The following CPO variants were observed in gnomAD, a reference collection of about 807,000 sequenced individuals.
CPO encodes carboxypeptidase O.
A neutral mutation model predicts 41.2 loss-of-function variants in CPO; 43 were observed. The observed-to-expected ratio is 1.04, with a 90% CI of 0.82 to 1.35. The LOEUF is 1.35. Among genes scored for constraint, CPO ranks in the 40% most tolerant of loss-of-function variants. The probability of loss-of-function intolerance (pLI) is 0.00; values close to 1 mark genes in which losing one functional copy is unlikely to be tolerated. For missense variants in CPO, 408 were observed against 451.7 expected, an observed-to-expected ratio of 0.90 and a Z score of 0.88; for synonymous variants, 178 against 162.7, an observed-to-expected ratio of 1.09 and a Z score of -0.72.
intron 7 of CPO, among the ~76,000 whole-genome samples, chr2:206,967,229 G>A (rs1170380849): frequency 6.6e-6 from 1 of 152,000 alleles, no homozygotes; most frequent in Non-Finnish European, 1.5e-5. Context: ...AGCCCAGCCA[G>A]TAGACTTGGG....
At chr2:206,960,683 G>A (rs1468896526) in intron 5 of CPO, among the ~76,000 whole-genome samples, 169 bp from the exon 6 acceptor site, 2 of 152,208 alleles carry the variant, frequency 1.3e-5, no homozygotes, top group Non-Finnish European at 2.9e-5. Flanking sequence ...GGGGCTGCTA[G>A]CCCATCTGTA....
Position 206,958,388 on chromosome 2 carries a change from C to T in CPO, c.355C>T (p.Gln119Ter). The stretch of plus-strand genomic sequence containing the variant: ...AGAATGGATTGCTCCTGCTTTTTGC[C>T]AATGGTTCGTCAAAGAAGTAAGTGT... ...AREWIAPAFCQWFVKEILQNH... is the reference protein window; with the variant it reads ...AREWIAPAFC The change falls in exon 4 of 9, where the codon CAA (glutamine) becomes TAA (stop). Residue 119 changes from glutamine to a stop codon, truncating the protein, a stop_gained. Coordinates refer to ENST00000272852, the MANE Select transcript of CPO (RefSeq NM_173077.3). LOFTEE classifies it high-confidence loss of function. The T allele has an allele frequency of 6.3e-7, 1 of 1,592,120 alleles. No individual in the cohort carries two copies.
chr2:206,940,877 A>T (rs940448807), intron 1 of CPO, among the ~76,000 whole-genome samples: 1 of 152,134 alleles, frequency 6.6e-6, no homozygotes, highest in Non-Finnish European at 1.5e-5. Context: ...GTTCAATTTC[A>T]GATACTTACA....
At position 206,964,850 on chromosome 2, in the gene CPO, C is replaced by A. The variant is rs1693544120; in HGVS notation, c.777+2236C>A. Among the ~76,000 whole-genome samples, 9 of 152,234 alleles carry A rather than the reference C, an allele frequency of 5.9e-5. No individual in the cohort carries two copies. In the South Asian group the frequency reaches 1.9e-3, roughly 32 times the overall value. On this transcript the variant is annotated intron_variant, in intron 7 of 8. Coordinates refer to ENST00000272852, the MANE Select transcript of CPO (RefSeq NM_173077.3). ...ATCTTTGATGGAAAGGGGTCTTCCG[C>A]CAGCAGAAAAAGGAGGCTAGTATAT...
intron 1 of CPO, among the ~76,000 whole-genome samples, chr2:206,943,108 C>G (rs1407794620): frequency 6.6e-6 from 1 of 152,090 alleles, no homozygotes; most frequent in Non-Finnish European, 1.5e-5. Context: ...CAGGGAATCC[C>G]AGCCCAATTG....
intron 7 of CPO, among the ~76,000 whole-genome samples, chr2:206,964,726 T>C (rs1259397209): frequency 6.6e-6 from 1 of 152,238 alleles, no homozygotes; most frequent in Non-Finnish European, 1.5e-5. Flanking sequence ...AGAATGCTCC[T>C]TTTTCCCAGT....
At position 206,962,796 on chromosome 2, in the gene CPO, G is replaced by A. The variant is rs528303290; in HGVS notation, c.777+182G>A. Reference sequence around the variant, plus strand: ...CTGCTGGGAAGGCTTCGGGTTAAATGCTGCTTTACCTACATTAATTAACTA... The same window carrying A: ...CTGCTGGGAAGGCTTCGGGTTAAATACTGCTTTACCTACATTAATTAACTA... On this transcript the variant is annotated intron_variant, in intron 7 of 8. Transcript: ENST00000272852. Among the ~76,000 whole-genome samples the A allele has an allele frequency of 3.3e-5, 5 of 152,278 alleles. No individual in the cohort carries two copies. In the East Asian group the frequency reaches 9.7e-4, roughly 29 times the overall value.
At chr2:206,946,135 T>C (rs1693141320) in intron 1 of CPO, among the ~76,000 whole-genome samples, 1 of 152,052 alleles carries the variant, frequency 6.6e-6, no homozygotes, top group Non-Finnish European at 1.5e-5. Flanking sequence ...ACTCATTTTA[T>C]GAGATCAGTA....
chr2:206,969,176 G>T lies in CPO; in HGVS notation c.865G>T (p.Ala289Ser), dbSNP rs1033107037. The T allele has an allele frequency of 1.9e-6, 3 of 1,614,020 alleles. No individual in the cohort carries two copies. The highest frequency in any genetic ancestry group is 1.7e-5 in the Admixed American group (1 of 60,024). The change falls in exon 9 of 9, where the codon GCC (alanine) becomes TCC (serine). Residue 289 changes from alanine (A) to serine (S), a missense_variant and splice_region_variant. Ala to Ser is a moderately conservative substitution (Grantham distance 99, BLOSUM62 1). Transcript: ENST00000272852. ...RVGSSADILY[A>S]SSGSSRDWAR... ...TGCCTTCATGTTTTCACCTGTAGAT[G>T]CCTCATCAGGGTCTTCAAGAGATTG...
chr2:206,965,385 T>G (rs2105829520), intron 7 of CPO, among the ~76,000 whole-genome samples: 1 of 152,290 alleles, frequency 6.6e-6, no homozygotes, highest in East Asian at 1.9e-4. Flanking sequence ...TAGTACTATT[T>G]ACAAGCCACA....
intron 2 of CPO, among the ~76,000 whole-genome samples, chr2:206,952,541 CATTA>C (rs1574350168): frequency 6.6e-6 from 1 of 152,146 alleles, no homozygotes; most frequent in South Asian, 2.1e-4. Flanking sequence ...TTTCTTATTG[CATTA>C]ATTGTTATGG....
intron 3 of CPO, 64 bp from the exon 4 acceptor site, chr2:206,958,237 C>A (rs1451840806): frequency 2.3e-6 from 2 of 866,950 alleles, no homozygotes; most frequent in Admixed American, 2.5e-5. Flanking sequence ...AATCTCATAA[C>A]TTTGCACAGT....
At chr2:206,965,238 G>T (rs572303665) in intron 7 of CPO, among the ~76,000 whole-genome samples, 3 of 152,248 alleles carry the variant, frequency 2.0e-5, no homozygotes, top group African/African-American at 7.2e-5. Context: ...TCGATAAAAA[G>T]ACTGTGAATA....
intron 7 of CPO, among the ~76,000 whole-genome samples, chr2:206,964,388 A>G (rs1021577800): frequency 1.3e-5 from 2 of 152,236 alleles, no homozygotes; most frequent in African/African-American, 2.4e-5. Context: ...TATAGCTGTT[A>G]TCTCCTTTGA....
intron 1 of CPO, among the ~76,000 whole-genome samples, chr2:206,942,921 A>G (rs1380622872): frequency 1.3e-5 from 2 of 152,180 alleles, no homozygotes; most frequent in African/African-American, 4.8e-5. Context: ...CGGGGCTTTC[A>G]CTTAAATCCC....
Position 206,959,669 on chromosome 2 carries a change from G to A in CPO, c.411G>A (p.Lys137=), listed in dbSNP as rs145773995. The change falls in exon 5 of 9, where the codon AAG becomes AAA. Residue 137 remains lysine, a synonymous_variant. Transcript: ENST00000272852. ...ATAAAGACAACTCAAGTATACGCAA[G>A]CTCCTTAGGAACCTGGACTTCTATG... ...QNHKDNSSIR[K]LLRNLDFYVL... The A allele has an allele frequency of 4.1e-5, 65 of 1,566,936 alleles. No individual in the cohort carries two copies. The African/African-American group carries it at 8.0e-4, about 19-fold the overall frequency.
In CPO at chr2:206,939,584, C is replaced by G; in HGVS notation, c.-16C>G. On this transcript the variant is annotated 5_prime_UTR_variant, in exon 1 of 9. Transcript: ENST00000272852. Reference sequence around the variant, plus strand: ...GCCAGAGAGGCCCAGAATTTTCTAACTTACTGTGTGGCAGAATGAAGCCTC... The same window carrying G: ...GCCAGAGAGGCCCAGAATTTTCTAAGTTACTGTGTGGCAGAATGAAGCCTC... 1 of 1,609,356 alleles carries G rather than the reference C, an allele frequency of 6.2e-7. No individual in the cohort carries two copies. Among genetic ancestry groups the G allele is most frequent in the Non-Finnish European group, 8.5e-7 (1 of 1,176,486 alleles).
At chr2:206,961,908 C>A (rs1488957827) in intron 6 of CPO, among the ~76,000 whole-genome samples, 2 of 150,686 alleles carry the variant, frequency 1.3e-5, no homozygotes, top group Non-Finnish European at 3.0e-5. Context: ...CTGGCTAACA[C>A]AGTGAAACCC....
rs1416234893 is a variant in CPO at position 206,969,204 on chromosome 2, C to T, written c.893C>T (p.Ala298Val). 1.2e-6 allele frequency: 2 copies of T among 1,614,118 alleles called. No individual in the cohort carries two copies. Among genetic ancestry groups the T allele is most frequent in the Non-Finnish European group, 1.7e-6 (2 of 1,179,978 alleles). The change falls in exon 9 of 9, where the codon GCC becomes GTC. Residue 298 changes from alanine to valine, a missense_variant. By Grantham distance (64) the Ala-to-Val change is moderately conservative. Coordinates refer to ENST00000272852, the MANE Select transcript of CPO (RefSeq NM_173077.3). ...TCATCAGGGTCTTCAAGAGATTGGGCCCGAGACATTGGGATTCCCTTCTCA... is the reference window on the plus strand; with the variant it reads ...TCATCAGGGTCTTCAAGAGATTGGGTCCGAGACATTGGGATTCCCTTCTCA... Reference protein sequence around the residue: ...YASSGSSRDWARDIGIPFSYT... With the variant: ...YASSGSSRDWVRDIGIPFSYT...
Sources: allele counts gnomAD v4.1 joint callset (sites outside exome capture counted in the v4.1 genomes callset), GRCh38; gene constraint gnomAD v4.1.1; transcripts MANE v1.5; gene names NCBI Gene and HGNC (gene_info 2026-07-23, HGNC 2026-07-21).